The following EXOC6B variants were observed in gnomAD, a reference collection of about 807,000 sequenced individuals.
EXOC6B encodes SEC15 homolog B.
In EXOC6B, 54 loss-of-function variants were observed where a neutral mutation model predicts 113.5. The ratio of observed to expected loss-of-function variants is 0.48; its 90% CI spans 0.38 to 0.60. EXOC6B has a LOEUF of 0.60. Among genes scored for constraint, EXOC6B ranks in the 20% least tolerant of loss-of-function variants. The probability of loss-of-function intolerance (pLI) is 0.00; values close to 1 mark genes in which losing one functional copy is unlikely to be tolerated. For synonymous variants in EXOC6B, 357 were observed against 339.0 expected (o/e 1.05, Z -0.58); for missense variants, 797 against 977.5 (o/e 0.82, Z 2.46).
At chr2:72,599,203 C>T (rs959614644) in intron 6 of EXOC6B, among the ~76,000 whole-genome samples, 4 of 152,020 alleles carry the variant, frequency 2.6e-5, no homozygotes, top group African/African-American at 9.7e-5. Flanking sequence ...AAGAATTAAA[C>T]ATCACAACAA....
At chr2:72,595,666 T>C (rs1670036896) in intron 6 of EXOC6B, among the ~76,000 whole-genome samples, 1 of 151,690 alleles carries the variant, frequency 6.6e-6, no homozygotes, top group Admixed American at 6.6e-5. Context: ...ATTAGGGTCA[T>C]AAAGGAGAGA....
intron 18 of EXOC6B, among the ~76,000 whole-genome samples, chr2:72,400,244 A>G (rs961353285): frequency 6.6e-6 from 1 of 152,196 alleles, no homozygotes; most frequent in African/African-American, 2.4e-5. Flanking sequence ...GAATAATGAA[A>G]CTGGACATAT....
intron 18 of EXOC6B, among the ~76,000 whole-genome samples, chr2:72,440,319 G>C (rs1696127364): frequency 6.6e-6 from 1 of 152,168 alleles, no homozygotes. Context: ...GTCACCTATA[G>C]AGGGAAGCCC....
At chr2:72,295,877 G>A (rs907633267) in intron 20 of EXOC6B, among the ~76,000 whole-genome samples, 6 of 152,058 alleles carry the variant, frequency 3.9e-5, no homozygotes, top group Middle Eastern at 3.2e-3. Flanking sequence ...CTTAAAATAC[G>A]TATTTTTTTC....
chr2:72,267,993 C>T (rs1263332549), intron 20 of EXOC6B, among the ~76,000 whole-genome samples: 6 of 151,880 alleles, frequency 4.0e-5, no homozygotes, highest in Non-Finnish European at 7.4e-5. Context: ...GTACTATTTG[C>T]GACAGCAATA....
intron 6 of EXOC6B, among the ~76,000 whole-genome samples, chr2:72,642,705 C>T (rs1673354996): frequency 6.6e-6 from 1 of 150,410 alleles, no homozygotes; most frequent in South Asian, 2.1e-4. Flanking sequence ...TAGGCATGGG[C>T]AAGGACTTCA....
At chr2:72,220,867 T>C (rs1485456195) in intron 20 of EXOC6B, among the ~76,000 whole-genome samples, 1 of 152,184 alleles carries the variant, frequency 6.6e-6, no homozygotes, top group Non-Finnish European at 1.5e-5. Context: ...TAGGTGTACA[T>C]AGTTTAGGGG....
intron 8 of EXOC6B, among the ~76,000 whole-genome samples, chr2:72,549,767 A>T (rs1001343823): frequency 6.6e-6 from 1 of 152,192 alleles, no homozygotes; most frequent in Admixed American, 6.5e-5. Context: ...AAGGCAAGAC[A>T]CAAAGAAAAG....
intron 20 of EXOC6B, among the ~76,000 whole-genome samples, chr2:72,333,362 G>C (rs1268750932): frequency 6.6e-6 from 1 of 152,080 alleles, no homozygotes; most frequent in African/African-American, 2.4e-5. Context: ...AAACTAGAGA[G>C]AATAACCATG....
chr2:72,586,420 C>T (rs1161944279), intron 6 of EXOC6B, among the ~76,000 whole-genome samples: 2 of 151,914 alleles, frequency 1.3e-5, no homozygotes, highest in Admixed American at 6.6e-5. Context: ...ATTAAAAAGT[C>T]GGCAAAATAC....
intron 6 of EXOC6B, among the ~76,000 whole-genome samples, chr2:72,665,443 C>T (rs746372744): frequency 6.6e-6 from 1 of 152,062 alleles, no homozygotes; most frequent in African/African-American, 2.4e-5. Flanking sequence ...ATAAAGGCAG[C>T]TAGAAAGAAG....
At chr2:72,443,566 A>G (rs565821503) in intron 18 of EXOC6B, among the ~76,000 whole-genome samples, 2 of 152,260 alleles carry the variant, frequency 1.3e-5, no homozygotes, top group South Asian at 4.1e-4. Flanking sequence ...CTGCTGATAA[A>G]AACATACCTA....
intron 18 of EXOC6B, among the ~76,000 whole-genome samples, chr2:72,384,883 C>T (rs954882391): frequency 7.2e-5 from 11 of 152,068 alleles, no homozygotes; most frequent in East Asian, 5.8e-4. Flanking sequence ...AATGGAAAGA[C>T]GTATCATGTT....
At chr2:72,786,596 T>C (rs905623077) in intron 1 of EXOC6B, among the ~76,000 whole-genome samples, 13 of 152,178 alleles carry the variant, frequency 8.5e-5, no homozygotes, top group Non-Finnish European at 1.9e-4. Flanking sequence ...ATTTGAACTG[T>C]TAGGGTATGC....
intron 19 of EXOC6B, among the ~76,000 whole-genome samples, chr2:72,355,957 CTT>C (rs1312728448): frequency 6.6e-6 from 1 of 152,164 alleles, no homozygotes; most frequent in African/African-American, 2.4e-5. Flanking sequence ...AGATTGCTCT[CTT>C]TTAATTCTTG....
chr2:72,618,373 A>G lies in EXOC6B; in HGVS notation c.670-42705T>C, dbSNP rs540414643. Reference sequence around the variant, plus strand: ...GACGAGAGTGAAACTCCATCTCAAAAAAAAGAAAAGAAAAGAAAAGAAATC... The same window carrying G: ...GACGAGAGTGAAACTCCATCTCAAAGAAAAGAAAAGAAAAGAAAAGAAATC... On this transcript the variant is annotated intron_variant, in intron 6 of 21. Coordinates refer to ENST00000272427, the MANE Select transcript of EXOC6B (RefSeq NM_015189.3). Among the ~76,000 whole-genome samples, 4 of 152,276 alleles carry G rather than the reference A, an allele frequency of 2.6e-5. No individual in the cohort carries two copies. The East Asian group carries it at 5.8e-4, about 22-fold the overall frequency.
chr2:72,293,491 T>C (rs190392323), intron 20 of EXOC6B, among the ~76,000 whole-genome samples: 12 of 152,074 alleles, frequency 7.9e-5, no homozygotes, highest in African/African-American at 2.7e-4. Context: ...TTTCATTAGA[T>C]GAATAATTGT....
intron 7 of EXOC6B, among the ~76,000 whole-genome samples, chr2:72,574,624 A>C (rs10865392): frequency 0.87 from 132,081 of 152,044 alleles, 57,623 homozygotes; most frequent in East Asian, 0.99. Context: ...TGAGTACAAG[A>C]GTAAATGATT....
intron 6 of EXOC6B, among the ~76,000 whole-genome samples, chr2:72,597,035 T>C (rs1423208007): frequency 6.7e-6 from 1 of 149,986 alleles, no homozygotes; most frequent in Non-Finnish European, 1.5e-5. Flanking sequence ...ACATTTCCAT[T>C]ATCCCAAAAA....
Sources: allele counts gnomAD v4.1 joint callset (sites outside exome capture counted in the v4.1 genomes callset), GRCh38; gene constraint gnomAD v4.1.1; transcripts MANE v1.5; gene names NCBI Gene and HGNC (gene_info 2026-07-23, HGNC 2026-07-21).